Variants in PAK3 observed in about 807,000 individuals in gnomAD.
The protein encoded by PAK3 is p21 (RAC1) activated kinase 3.
A neutral mutation model predicts 41.0 loss-of-function variants in PAK3; 4 were observed. The observed-to-expected ratio is 0.10, with a 90% CI of 0.05 to 0.22. The LOEUF (loss-of-function observed/expected upper bound fraction) is 0.22. PAK3 is among the 10% of genes least tolerant of loss of function. PAK3 has a pLI of 1.00. For missense variants in PAK3, 205 were observed against 409.9 expected (o/e 0.50, Z 4.32); for synonymous variants, 146 against 139.6 (o/e 1.05, Z -0.32).
chrX:110,990,312 A>G (rs1192043746), intron 1 of PAK3, among the ~76,000 whole-genome samples: 1 of 112,337 alleles, frequency 8.9e-6, no homozygotes, highest in Non-Finnish European at 1.9e-5. Context: ...ACATTTTACA[A>G]CGATGAGGGT....
intron 1 of PAK3, among the ~76,000 whole-genome samples, chrX:111,038,050 A>C (rs1161440548): frequency 2.7e-5 from 3 of 111,792 alleles, no homozygotes; most frequent in Non-Finnish European, 5.6e-5. Context: ...CAACCTTTAT[A>C]TATGTGAAAT....
At chrX:111,092,598 G>A, upstream of PAK3, among the ~76,000 whole-genome samples, 1 of 111,441 alleles carries the variant, frequency 9.0e-6, no homozygotes, top group Non-Finnish European at 1.9e-5. Flanking sequence ...GAAAACTTTG[G>A]GAGGTGATAG....
chrX:110,952,901 T>A (rs187028042), intron 1 of PAK3, among the ~76,000 whole-genome samples: 68 of 112,332 alleles, frequency 6.1e-4, no homozygotes, highest in East Asian at 4.4e-3. Context: ...TTTATGCTAA[T>A]GAATGTCCTG....
intron 1 of PAK3, among the ~76,000 whole-genome samples, chrX:111,042,275 C>A (rs1312988197): frequency 1.8e-5 from 2 of 111,553 alleles, no homozygotes; most frequent in East Asian, 5.7e-4. Flanking sequence ...AGCCTTGGAG[C>A]CTTCATGAGC....
chrX:110,996,250 A>G (rs1316500369), intron 1 of PAK3, among the ~76,000 whole-genome samples: 3 of 112,033 alleles, frequency 2.7e-5, no homozygotes. Flanking sequence ...ATCACAAACT[A>G]TAATTATTTT....
chrX:111,191,141 C>G (rs1179576332), intron 11 of PAK3, among the ~76,000 whole-genome samples: 2 of 111,708 alleles, frequency 1.8e-5, no homozygotes, highest in Non-Finnish European at 3.8e-5. Context: ...TTTGAGACAC[C>G]AGGCTGGAGT....
At chrX:110,983,490 G>GAGAGAGAGAGAGAGAA (rs1366918842) in intron 1 of PAK3, among the ~76,000 whole-genome samples, 1 of 100,058 alleles carries the variant, frequency 1.0e-5, no homozygotes, top group Non-Finnish European at 2.0e-5. Flanking sequence ...CAGAGAGAGA[G>GAGAGAGAGAGAGAGAA]AGGATGTGTG....
chrX:111,171,443 A>T (rs1403793912), intron 10 of PAK3, among the ~76,000 whole-genome samples: 1 of 110,177 alleles, frequency 9.1e-6, no homozygotes, highest in Non-Finnish European at 1.9e-5. Context: ...TTGTTCTATA[A>T]CCCCAAGATT....
intron 1 of PAK3, among the ~76,000 whole-genome samples, chrX:110,988,816 G>T (rs2091592768): frequency 8.9e-6 from 1 of 111,810 alleles, no homozygotes; most frequent in African/African-American, 3.3e-5. Context: ...GCGGCTGCAG[G>T]TATCAGGCTA....
At chrX:110,970,713 T>C (rs59068805) in intron 1 of PAK3, among the ~76,000 whole-genome samples, 1 of 111,882 alleles carries the variant, frequency 8.9e-6, no homozygotes, top group African/African-American at 3.2e-5. Flanking sequence ...TGTATACTTA[T>C]GTAAAAAACC....
At chrX:111,095,006 A>T (rs189754594), upstream of PAK3, among the ~76,000 whole-genome samples, 479 of 111,038 alleles carry the variant, frequency 4.3e-3, 2 homozygotes, top group Non-Finnish European at 4.1e-3. Context: ...GCTCTTTTGT[A>T]CGACTTTTAC....
At chrX:111,013,429 T>C (rs1039386487) in intron 1 of PAK3, among the ~76,000 whole-genome samples, 6 of 110,794 alleles carry the variant, frequency 5.4e-5, no homozygotes, top group African/African-American at 2.0e-4. Flanking sequence ...GGTCTCTGCT[T>C]GAGTCTTATT....
intron 8 of PAK3, among the ~76,000 whole-genome samples, chrX:111,160,516 G>A (rs1250329621): frequency 2.8e-5 from 3 of 108,882 alleles, no homozygotes; most frequent in Non-Finnish European, 5.7e-5. Flanking sequence ...TGCACAACGT[G>A]CAGGTTTGTT....
intron 10 of PAK3, among the ~76,000 whole-genome samples, chrX:111,167,850 G>A (rs1452720016): frequency 1.8e-5 from 2 of 110,403 alleles, no homozygotes; most frequent in African/African-American, 6.6e-5. Context: ...TTCTGCACAT[G>A]TACCCCATAA....
chrX:111,094,849 C>T (rs1213595163), upstream of PAK3, among the ~76,000 whole-genome samples: 1 of 109,316 alleles, frequency 9.1e-6, no homozygotes, highest in African/African-American at 3.4e-5. Context: ...CCACCATGCC[C>T]AGTTAATTTT....
intron 5 of PAK3, 123 bp downstream of exon 5, chrX:111,123,401 G>A (rs762599124): frequency 5.1e-5 from 27 of 529,527 alleles, no homozygotes; most frequent in South Asian, 3.9e-4. Context: ...TTACATCTAC[G>A]TCTTCAGAGG....
At chrX:110,990,537 G>A (rs1232351074) in intron 1 of PAK3, among the ~76,000 whole-genome samples, 1 of 110,466 alleles carries the variant, frequency 9.1e-6, no homozygotes, top group Non-Finnish European at 1.9e-5. Flanking sequence ...TAGAATGAGA[G>A]AAAGAAATTG....
intron 1 of PAK3, among the ~76,000 whole-genome samples, chrX:110,994,141 A>C (rs2091700157): frequency 8.9e-6 from 1 of 112,180 alleles, no homozygotes. Flanking sequence ...GCAGTATTAC[A>C]TGTTGAATTG....
intron 7 of PAK3, among the ~76,000 whole-genome samples, chrX:111,150,776 A>C: frequency 8.9e-6 from 1 of 112,081 alleles, no homozygotes; most frequent in Non-Finnish European, 1.9e-5. Flanking sequence ...TGAAATATAT[A>C]TACCAAATAA....
Sources: gnomAD v4.1 joint callset for allele counts (sites outside exome capture counted in the v4.1 genomes callset) on GRCh38, gnomAD v4.1.1 for gene constraint, MANE v1.5 for transcripts, NCBI Gene and HGNC (gene_info 2026-07-23, HGNC 2026-07-21) for gene names.